ATRNL1: variants seen among roughly 807,000 people sequenced by gnomAD.
The protein encoded by ATRNL1 is attractin like 1, also known as attractin-like protein 1.
In ATRNL1, 95 loss-of-function variants were observed where a neutral mutation model predicts 182.7. The observed-to-expected ratio is 0.52, with a 90% CI of 0.44 to 0.62. ATRNL1 has a LOEUF of 0.62. Among genes scored for constraint, ATRNL1 ranks in the 20% least tolerant of loss-of-function variants. The pLI is 0.00. For synonymous variants in ATRNL1, 576 were observed against 568.3 expected (o/e 1.01, Z -0.19); for missense variants, 1,471 against 1,679.5 (o/e 0.88, Z 2.17).
At chr10:115,603,996 A>G (rs1033974183) in intron 26 of ATRNL1, among the ~76,000 whole-genome samples, 2 of 152,272 alleles carry the variant, frequency 1.3e-5, no homozygotes, top group South Asian at 2.1e-4. Context: ...TTCTCTTGAA[A>G]AATGTCTGCT....
intron 26 of ATRNL1, among the ~76,000 whole-genome samples, chr10:115,661,774 C>A (rs1565261175): frequency 7.8e-6 from 1 of 128,128 alleles, no homozygotes; most frequent in East Asian, 1.9e-4. Flanking sequence ...ATTAAAATTG[C>A]ATTTTTTTTA....
chr10:115,696,137 A>T (rs1593081649), intron 26 of ATRNL1, among the ~76,000 whole-genome samples: 1 of 111,742 alleles, frequency 8.9e-6, no homozygotes, highest in Admixed American at 8.1e-5. Flanking sequence ...TGAGCTCGTG[A>T]TCCGCCTGCC....
chr10:115,480,864 T>C (rs142163927), intron 24 of ATRNL1, among the ~76,000 whole-genome samples: 206 of 151,230 alleles, frequency 1.4e-3, no homozygotes, highest in African/African-American at 4.6e-3. Context: ...TCCAGAGCTA[T>C]TCTTTACAAG....
chr10:115,826,570 C>T lies in ATRNL1; in HGVS notation c.3904-21307C>T, dbSNP rs182069358. ...AGCAGGGGTGTTAGAGCTCTTTTTG[C>T]TCCCACAGTTCAGCAAATTCCGGGT... On this transcript the variant is annotated intron_variant, in intron 27 of 28. Transcript: ENST00000355044. 2.7e-3 allele frequency among the ~76,000 whole-genome samples: 407 copies of T among 152,254 alleles called. 2 individuals carry two copies. The highest frequency in any genetic ancestry group is 9.3e-3 in the African/African-American group (388 of 41,546).
chr10:115,565,741 T>G (rs1335795889), intron 26 of ATRNL1, among the ~76,000 whole-genome samples: 1 of 152,110 alleles, frequency 6.6e-6, no homozygotes, highest in Non-Finnish European at 1.5e-5. Flanking sequence ...TTAAAAACTT[T>G]AAAAGTCGTT....
rs1277717192 is a variant in ATRNL1, at chr10:115,093,989, T to C, written c.239T>C (p.Leu80Pro). Residue 80 changes from leucine to proline, a missense_variant, in exon 1 of 29, where the codon CTC becomes CCC. Coordinates refer to ENST00000355044, the MANE Select transcript of ATRNL1 (RefSeq NM_207303.4). The surrounding 1 kb of genome is among the most constrained non-coding windows in gnomAD (Gnocchi z 6.1). Reference sequence around the variant, plus strand: ...GGCCGCTGTGTCAACTCCACCTGCCTCTGCGACCCGGGCTGGGTGGGGGAC... The same window carrying C: ...GGCCGCTGTGTCAACTCCACCTGCCCCTGCGACCCGGGCTGGGTGGGGGAC... ...FSGRCVNSTCLCDPGWVGDQC... is the reference protein window; with the variant it reads ...FSGRCVNSTCPCDPGWVGDQC... 1.3e-6 allele frequency: 2 copies of C among 1,582,850 alleles called. No individual in the cohort carries two copies. Among genetic ancestry groups the C allele is most frequent in the Non-Finnish European group, 8.6e-7 (1 of 1,166,170 alleles).
chr10:115,097,752 C>A (rs1452975687), intron 1 of ATRNL1, among the ~76,000 whole-genome samples: 1 of 152,026 alleles, frequency 6.6e-6, no homozygotes, highest in East Asian at 1.9e-4. Flanking sequence ...AGTGAAACCC[C>A]GTCTCTACTA....
intron 24 of ATRNL1, among the ~76,000 whole-genome samples, chr10:115,500,720 T>A (rs1390011889): frequency 6.6e-6 from 1 of 151,854 alleles, no homozygotes; most frequent in Non-Finnish European, 1.5e-5. Context: ...TTTGTATTTT[T>A]AGTGGAGATG....
At chr10:115,311,189 A>ATT (rs58808060) in intron 17 of ATRNL1, among the ~76,000 whole-genome samples, 7,979 of 133,742 alleles carry the variant, frequency 0.06, 732 homozygotes, top group African/African-American at 0.18. Context: ...TATGATTTAG[A>ATT]TTTTTTTTTT....
intron 21 of ATRNL1, among the ~76,000 whole-genome samples, chr10:115,432,753 A>G (rs1846229853): frequency 6.6e-6 from 1 of 152,096 alleles, no homozygotes; most frequent in Non-Finnish European, 1.5e-5. Flanking sequence ...TAAACATTGA[A>G]TTACTCAATA....
At chr10:115,225,475 T>TTAATATAATATAATA (rs140867376) in intron 9 of ATRNL1, among the ~76,000 whole-genome samples, 22,974 of 143,270 alleles carry the variant, frequency 0.16, 1,984 homozygotes, top group Middle Eastern at 0.2. Flanking sequence ...ATAAGGCAGA[T>TTAATATAATATAATA]TAATATAATA....
intron 24 of ATRNL1, among the ~76,000 whole-genome samples, chr10:115,481,622 C>A (rs1198737618): frequency 6.6e-6 from 1 of 150,754 alleles, no homozygotes; most frequent in African/African-American, 2.4e-5. Context: ...ACTCACACTT[C>A]TTTATTTTAC....
chr10:115,612,259 A>G (rs1434272893), intron 26 of ATRNL1, among the ~76,000 whole-genome samples: 1 of 149,546 alleles, frequency 6.7e-6, no homozygotes, highest in African/African-American at 2.4e-5. Context: ...TCTCAAAAGA[A>G]AAAAAAAAAA....
At chr10:115,894,671 C>T (rs142015867) in intron 28 of ATRNL1, among the ~76,000 whole-genome samples, 12 of 152,258 alleles carry the variant, frequency 7.9e-5, no homozygotes, top group East Asian at 7.7e-4. Flanking sequence ...AGCAAAATCG[C>T]GGGGTGTCTG....
chr10:115,795,569 G>C (rs1368611932), intron 27 of ATRNL1, among the ~76,000 whole-genome samples: 1 of 152,150 alleles, frequency 6.6e-6, no homozygotes, highest in Admixed American at 6.5e-5. Context: ...TTGGCTCATG[G>C]TTCTGTGTGC....
rs188388840 is a variant in ATRNL1, at chr10:115,140,001, A to T, written c.829+10466A>T. Among the ~76,000 whole-genome samples the T allele has an allele frequency of 5.9e-5, 9 of 152,314 alleles. No individual in the cohort carries two copies. In the East Asian group the frequency reaches 1.7e-3, roughly 29 times the overall value. ...CCTACAGCAAAGATGAAGCCAATGGAAAGTTTGAGTAGGATATTCCTGTCA... is the reference window on the plus strand; with the variant it reads ...CCTACAGCAAAGATGAAGCCAATGGTAAGTTTGAGTAGGATATTCCTGTCA... On this transcript the variant is annotated intron_variant, in intron 5 of 28. Transcript: ENST00000355044.
chr10:115,343,449 A>C (rs1855838489), intron 19 of ATRNL1, among the ~76,000 whole-genome samples: 1 of 152,132 alleles, frequency 6.6e-6, no homozygotes, highest in Admixed American at 6.5e-5. Flanking sequence ...TACATCTTTC[A>C]TCTACAGAAT....
intron 27 of ATRNL1, among the ~76,000 whole-genome samples, chr10:115,737,444 A>AT (rs1203648883): frequency 2.0e-5 from 3 of 152,048 alleles, no homozygotes; most frequent in African/African-American, 7.2e-5. Context: ...TAAAAAAAAA[A>AT]AAAGAAAAGT....
chr10:115,619,760 T>A (rs562885150), intron 26 of ATRNL1, among the ~76,000 whole-genome samples: 1 of 152,230 alleles, frequency 6.6e-6, no homozygotes, highest in Non-Finnish European at 1.5e-5. Flanking sequence ...AAAATTTCAT[T>A]TATAAAGTTT....
Sources: allele counts gnomAD v4.1 joint callset (sites outside exome capture counted in the v4.1 genomes callset), GRCh38; gene constraint gnomAD v4.1.1; non-coding constraint Gnocchi (gnomAD v3.1); transcripts MANE v1.5; gene names NCBI Gene and HGNC (gene_info 2026-07-23, HGNC 2026-07-21).